The following NEK1 variants were observed in gnomAD, a reference collection of about 807,000 sequenced individuals.
The protein encoded by NEK1 is NIMA related kinase 1.
A neutral mutation model predicts 182.1 loss-of-function variants in NEK1; 137 were observed. The ratio of observed to expected loss-of-function variants is 0.75; its 90% CI spans 0.65 to 0.87. The LOEUF (loss-of-function observed/expected upper bound fraction) is 0.87. Ranked by LOEUF, NEK1 falls within the 40% of genes least tolerant of loss-of-function variation. The pLI is 0.00. For synonymous variants in NEK1, 513 were observed against 492.2 expected (o/e 1.04, Z -0.56); for missense variants, 1,391 against 1,494.4 (o/e 0.93, Z 1.14).
Position 169,498,626 on chromosome 4 carries a change from C to G in NEK1, c.2007+8411G>C, listed in dbSNP as rs551794501. ...TGGTGACAAAATCTCTCAGCATTTG[C>G]TTGTCTGTAAAGTATTTTATTTCTC... On this transcript the variant is annotated intron_variant, in intron 23 of 35. Coordinates refer to ENST00000507142, the MANE Select transcript of NEK1 (RefSeq NM_001199397.3). 1.4e-3 allele frequency among the ~76,000 whole-genome samples: 219 copies of G among 152,202 alleles called. 1 individual carries two copies. Among genetic ancestry groups the G allele is most frequent in the African/African-American group, 5.1e-3 (213 of 41,514 alleles).
At chr4:169,484,985 T>C (rs928436241) in intron 23 of NEK1, among the ~76,000 whole-genome samples, 1 of 152,256 alleles carries the variant, frequency 6.6e-6, no homozygotes, top group Admixed American at 6.5e-5. Flanking sequence ...AGTCTGGTTT[T>C]AGTTCCTGAT....
rs139433990 is a variant in NEK1, at chr4:169,577,036, A to G, written c.912T>C (p.Pro304=). The G allele has an allele frequency of 3.2e-5, 51 of 1,613,724 alleles. No homozygotes were observed. In the African/African-American group the frequency reaches 4.8e-4, roughly 15 times the overall value. Residue 304 remains proline, a synonymous_variant, in exon 12 of 36, where the codon CCT becomes CCC. Transcript: ENST00000507142. Reference sequence around the variant, plus strand: ...CGGCAGGCTTTGTAATTTTCTGAGCAGGCATAACAGAAATCGAGTTTTGTC... The same window carrying G: ...CGGCAGGCTTTGTAATTTTCTGAGCGGGCATAACAGAAATCGAGTTTTGTC... ...ASGQNSISVM[P]AQKITKPAAK...
intron 27 of NEK1, among the ~76,000 whole-genome samples, chr4:169,454,326 C>T (rs899248279): frequency 7.9e-5 from 12 of 152,094 alleles, no homozygotes; most frequent in African/African-American, 2.7e-4. Flanking sequence ...CCAGAATAGA[C>T]AAATGGGATC....
rs1052988764 is a variant in NEK1, at chr4:169,612,012, G to A, written c.-49+8C>T. The A allele has an allele frequency of 2.6e-5, 4 of 152,150 alleles. No homozygotes were observed. Among genetic ancestry groups the A allele is most frequent in the African/African-American group, 9.7e-5 (4 of 41,406 alleles). 9.4% of individuals were successfully genotyped at this position (152,150 alleles called of 1,614,324 possible). ...TGCATGTCATTCCTTCCCCCAAGTG[G>A]AACTCACCTCAGTGACACAGGACGT... On this transcript the variant is annotated splice_region_variant and intron_variant, in intron 2 of 35. Coordinates refer to ENST00000507142, the MANE Select transcript of NEK1 (RefSeq NM_001199397.3).
chr4:169,432,703 A>G (rs966323336), intron 29 of NEK1, among the ~76,000 whole-genome samples: 27 of 152,216 alleles, frequency 1.8e-4, no homozygotes, highest in Admixed American at 2.0e-4. Flanking sequence ...CTAGAAATAT[A>G]TGAAAGAAGA....
chr4:169,580,678 G>A lies in NEK1; in HGVS notation c.868+164C>T, dbSNP rs7686251. Among the ~76,000 whole-genome samples, 4,734 of 151,746 alleles carry A rather than the reference G, an allele frequency of 0.031. 191 individuals are homozygous for A. Among genetic ancestry groups the A allele is most frequent in the African/African-American group, 0.087 (3,611 of 41,390 alleles). On this transcript the variant is annotated intron_variant, in intron 11 of 35. Coordinates refer to ENST00000507142, the MANE Select transcript of NEK1 (RefSeq NM_001199397.3). ...AAATGAGAATGTTATTAATTTATAA[G>A]AAACTGTATATTGCCATAAAACATT...
chr4:169,478,839 C>T (rs1452222377), intron 24 of NEK1, among the ~76,000 whole-genome samples: 1 of 152,104 alleles, frequency 6.6e-6, no homozygotes, highest in African/African-American at 2.4e-5. Context: ...AGACAGATAC[C>T]TGAAATATAC....
At chr4:169,531,615 T>A (rs569795950) in intron 19 of NEK1, among the ~76,000 whole-genome samples, 27 of 152,212 alleles carry the variant, frequency 1.8e-4, no homozygotes, top group African/African-American at 6.5e-4. Context: ...AGAGATGGTA[T>A]GGCATAGAAT....
chr4:169,479,492 A>T lies in NEK1; in HGVS notation c.2050T>A (p.Leu684Met). 1.9e-6 allele frequency: 3 copies of T among 1,611,286 alleles called. No individual in the cohort carries two copies. The highest frequency in any genetic ancestry group is 2.5e-6 in the Non-Finnish European group (3 of 1,178,792). Residue 684 changes from leucine to methionine, a missense_variant, in exon 24 of 36, where the codon TTG (leucine) becomes ATG (methionine). By Grantham distance (15) the Leu-to-Met change is conservative (BLOSUM62 2). Around this residue, in one of 5 missense-constraint regions of NEK1, gnomAD observed 1,216 missense variants for 1,277.6 expected, o/e 0.95. Transcript: ENST00000507142. ...GAGCCACCTGTTTCATGCTGTCCCA[A>T]AGGTGGAGAAACATCAGAACTCTTA... ...GVKSSDVSPP[L>M]GQHETGGSPS...
intron 27 of NEK1, among the ~76,000 whole-genome samples, chr4:169,440,452 T>C (rs1420375407): frequency 1.3e-5 from 2 of 152,174 alleles, no homozygotes; most frequent in Non-Finnish European, 2.9e-5. Context: ...TATTAATTGA[T>C]TTGGAAAATG....
intron 32 of NEK1, among the ~76,000 whole-genome samples, chr4:169,403,680 G>A (rs962087549): frequency 2.0e-5 from 3 of 152,090 alleles, no homozygotes; most frequent in Non-Finnish European, 4.4e-5. Flanking sequence ...CTAGTGGCTG[G>A]CCTAGAGGAA....
chr4:169,503,276 G>A (rs953329314), intron 23 of NEK1, among the ~76,000 whole-genome samples: 1 of 151,822 alleles, frequency 6.6e-6, no homozygotes, highest in East Asian at 1.9e-4. Flanking sequence ...AGGAGACTTG[G>A]TATCATTAAA....
intron 5 of NEK1, among the ~76,000 whole-genome samples, chr4:169,595,382 A>G (rs1769264524): frequency 6.6e-6 from 1 of 152,212 alleles, no homozygotes; most frequent in African/African-American, 2.4e-5. Flanking sequence ...AATTTAGATT[A>G]TGTTTTTATA....
At chr4:169,593,726 C>T (rs542600786) in intron 5 of NEK1, among the ~76,000 whole-genome samples, 139 of 152,280 alleles carry the variant, frequency 9.1e-4, no homozygotes, top group African/African-American at 3.2e-3. Context: ...CCGTGGCTCA[C>T]GCCTGTAATC....
chr4:169,435,333 C>T (rs532999169), intron 28 of NEK1, among the ~76,000 whole-genome samples: 2 of 152,270 alleles, frequency 1.3e-5, no homozygotes, highest in African/African-American at 4.8e-5. Flanking sequence ...TGCAAAGACT[C>T]CACTTCCAAT....
chr4:169,560,670 T>G (rs116479944), intron 16 of NEK1, among the ~76,000 whole-genome samples: 1,646 of 152,218 alleles, frequency 0.011, 28 homozygotes, highest in African/African-American at 0.037. Flanking sequence ...TATAGGATGC[T>G]GTATGAATAA....
chr4:169,509,284 G>A (rs1424106614), intron 19 of NEK1, among the ~76,000 whole-genome samples: 3 of 151,938 alleles, frequency 2.0e-5, no homozygotes, highest in Non-Finnish European at 4.4e-5. Flanking sequence ...TTCAACAAAT[G>A]GGTTGTATAT....
At chr4:169,513,081 C>G (rs1754449437) in intron 19 of NEK1, among the ~76,000 whole-genome samples, 1 of 152,080 alleles carries the variant, frequency 6.6e-6, no homozygotes, top group Non-Finnish European at 1.5e-5. Flanking sequence ...ACTTTAAGGT[C>G]TTTCTCTTTC....
chr4:169,585,356 G>C lies in NEK1; in HGVS notation c.800C>G (p.Ser267Cys), dbSNP rs760983006. The C allele has an allele frequency of 3.1e-6, 5 of 1,612,614 alleles. No homozygotes were observed. Among genetic ancestry groups the C allele is most frequent in the Non-Finnish European group, 4.2e-6 (5 of 1,179,068 alleles). ...AAAGGAAAAAGAACTTACCTGAGGAGAGAGAAACTTTTCAATGCGTTTGGC... is the reference window on the plus strand; with the variant it reads ...AAAGGAAAAAGAACTTACCTGAGGACAGAGAAACTTTTCAATGCGTTTGGC... ...FIAKRIEKFL[S>C]PQLIAEEFCL... The change falls in exon 10 of 36, where the codon TCT (serine) becomes TGT (cysteine). Residue 267 changes from serine (S) to cysteine (C), a missense_variant. Around this residue, in one of 5 missense-constraint regions of NEK1, gnomAD observed 1,216 missense variants for 1,277.6 expected, o/e 0.95. Coordinates refer to ENST00000507142, the MANE Select transcript of NEK1 (RefSeq NM_001199397.3).
Sources: allele counts gnomAD v4.1 joint callset (sites outside exome capture counted in the v4.1 genomes callset), GRCh38; gene constraint gnomAD v4.1.1; regional missense constraint gnomAD v4.1.1; transcripts MANE v1.5; gene names NCBI Gene and HGNC (gene_info 2026-07-23, HGNC 2026-07-21).